Variants in NCAPD2 observed in about 807,000 individuals in gnomAD.
NCAPD2 encodes the protein condensin complex subunit 1.
NCAPD2 carries 100 observed loss-of-function variants against 164.5 expected under a neutral mutation model. The observed-to-expected ratio is 0.61, with a 90% CI of 0.52 to 0.72. The LOEUF (loss-of-function observed/expected upper bound fraction) is 0.72, where lower values mean the gene tolerates loss of function less well. NCAPD2 is among the 30% of genes least tolerant of loss of function. The pLI, the probability that NCAPD2 is intolerant of heterozygous loss-of-function variation, is 0.00. For synonymous variants in NCAPD2, 585 were observed against 642.6 expected, an observed-to-expected ratio of 0.91 and a Z score of 1.36; for missense variants, 1,560 against 1,749.2, an observed-to-expected ratio of 0.89 and a Z score of 1.93.
chr12:6,519,828 G>A (rs1029960396), intron 13 of NCAPD2, among the ~76,000 whole-genome samples: 2 of 149,656 alleles, frequency 1.3e-5, no homozygotes, highest in Non-Finnish European at 3.0e-5. Flanking sequence ...AGATTGCTCC[G>A]CTACACTCTA....
intron 27 of NCAPD2, 38 bp downstream of exon 27, chr12:6,529,077 A>G (rs377586306): frequency 5.7e-6 from 9 of 1,565,734 alleles, no homozygotes; most frequent in Non-Finnish European, 7.0e-6. Flanking sequence ...TTTTCCACAT[A>G]GCACGGGCTT....
At chr12:6,499,101 G>C (rs1006149796) in intron 2 of NCAPD2, among the ~76,000 whole-genome samples, 1 of 152,088 alleles carries the variant, frequency 6.6e-6, no homozygotes, top group African/African-American at 2.4e-5. Flanking sequence ...CAAAGGGATG[G>C]TTCACATCCC....
At chr12:6,505,688 A>T (rs73257103) in intron 2 of NCAPD2, among the ~76,000 whole-genome samples, 1,620 of 152,088 alleles carry the variant, frequency 0.011, 30 homozygotes, top group African/African-American at 0.035. Flanking sequence ...AAAATTCAAA[A>T]ATTAGCCAGG....
At chr12:6,518,809 C>T (rs34278370) in intron 13 of NCAPD2, among the ~76,000 whole-genome samples, 9,862 of 152,014 alleles carry the variant, frequency 0.065, 446 homozygotes, top group Non-Finnish European at 0.098. Flanking sequence ...GCGTGAGCCA[C>T]CGCACTCGGC....
At chr12:6,519,978 A>C (rs1258235084) in intron 13 of NCAPD2, among the ~76,000 whole-genome samples, 1 of 152,134 alleles carries the variant, frequency 6.6e-6, no homozygotes, top group Non-Finnish European at 1.5e-5. Flanking sequence ...GTTTGAGGCC[A>C]GCCTGGCCAA....
In NCAPD2 at chr12:6,516,940, A is replaced by T. The variant is rs773356519; in HGVS notation, c.1100A>T (p.Asp367Val). 6.2e-7 allele frequency: 1 copy of T among 1,614,114 alleles called. No homozygotes were observed. Among genetic ancestry groups the T allele is most frequent in the Non-Finnish European group, 8.5e-7 (1 of 1,180,026 alleles). The change falls in exon 10 of 32, where the codon GAT becomes GTT. Residue 367 changes from aspartate to valine, a missense_variant. Physicochemically the swap from Asp to Val is radical, Grantham distance 152. Coordinates refer to ENST00000315579, the MANE Select transcript of NCAPD2 (RefSeq NM_014865.4). ...AARDTRDQFLDTLQAHGHDVN... is the reference protein window; with the variant it reads ...AARDTRDQFLVTLQAHGHDVN... ...CGAGACACCAGAGACCAGTTCTTGG[A>T]TACTTTACAAGCCCATGGCCATGAT...
In NCAPD2 at chr12:6,528,433, C is replaced by T. The variant is rs1003566719; in HGVS notation, c.3299+105C>T. The T allele has an allele frequency of 3.5e-5, 51 of 1,471,470 alleles. 1 individual carries two copies. The Middle Eastern group carries it at 7.3e-4, about 21-fold the overall frequency. 91.2% of individuals were successfully genotyped at this position (1,471,470 alleles called of 1,614,324 possible). ...CTCTTCCCCTAGGCTTTGGCATCAC[C>T]GCGAACATCTGCTTGATACTTGACC... On this transcript the variant is annotated intron_variant, in intron 25 of 31. Coordinates refer to ENST00000315579, the MANE Select transcript of NCAPD2 (RefSeq NM_014865.4). This position sits in a 1 kb window ranked among gnomAD's most constrained non-coding sequence, Gnocchi z 5.1.
chr12:6,531,450 T>C lies in NCAPD2; in HGVS notation c.*38T>C. The stretch of plus-strand genomic sequence containing the variant: ...TGTCCTCCCTGTGCAGGGTATCCTG[T>C]AGGGTGACCTGGAATTCGAATTCTG... On this transcript the variant is annotated 3_prime_UTR_variant, in exon 32 of 32. Transcript: ENST00000315579. The surrounding 1 kb of genome is among the most constrained non-coding windows in gnomAD (Gnocchi z 4.1). The C allele has an allele frequency of 6.2e-7, 1 of 1,608,796 alleles. No individual in the cohort carries two copies. The highest frequency in any genetic ancestry group is 8.5e-7 in the Non-Finnish European group (1 of 1,178,254).
At chr12:6,500,417 G>A (rs1366539231) in intron 2 of NCAPD2, among the ~76,000 whole-genome samples, 2 of 152,168 alleles carry the variant, frequency 1.3e-5, no homozygotes, top group Admixed American at 6.5e-5. Flanking sequence ...AGCATTCCAA[G>A]CAAACAGAAA....
intron 1 of NCAPD2, among the ~76,000 whole-genome samples, chr12:6,494,791 A>C (rs1945960254): frequency 6.6e-6 from 1 of 152,216 alleles, no homozygotes; most frequent in African/African-American, 2.4e-5. Flanking sequence ...TTTACAGATA[A>C]AGCCCAGAGG....
At position 6,525,704 on chromosome 12, in the gene NCAPD2, G is replaced by A. The variant is rs1427232816; in HGVS notation, c.2336G>A (p.Gly779Asp). 6.2e-7 allele frequency: 1 copy of A among 1,613,528 alleles called. No individual in the cohort carries two copies. The highest frequency in any genetic ancestry group is 8.5e-7 in the Non-Finnish European group (1 of 1,179,778). The change falls in exon 18 of 32, where the codon GGC (glycine) becomes GAC (aspartate). Residue 779 changes from glycine (G) to aspartate (D), a missense_variant. Transcript: ENST00000315579. ...LERCSSVMLLGMMARGKPEIV... is the reference protein window; with the variant it reads ...LERCSSVMLLDMMARGKPEIV... ...CGCTGTTCCTCTGTCATGCTTCTTG[G>A]CATGATGGCACGGTGAGGCTCAAAT...
At chr12:6,525,946 C>T (rs558968021) in intron 18 of NCAPD2, 122 bp from the exon 19 acceptor site, 13 of 1,358,528 alleles carry the variant, frequency 9.6e-6, no homozygotes, top group African/African-American at 2.9e-5. Flanking sequence ...GGCAGAGCCA[C>T]GCTATAGTGC....
chr12:6,525,762 G>A (rs765785844), intron 18 of NCAPD2, 46 bp downstream of exon 18: 22 of 1,594,990 alleles, frequency 1.4e-5, no homozygotes, highest in Non-Finnish European at 1.6e-5. Flanking sequence ...AGCAAAGGAA[G>A]GTTCTGAGAG....
chr12:6,531,395 C>T lies in NCAPD2; in HGVS notation c.4189C>T (p.Arg1397Cys), dbSNP rs1202243479. 6.2e-6 allele frequency: 10 copies of T among 1,613,742 alleles called. No homozygotes were observed. The highest frequency in any genetic ancestry group is 2.7e-5 in the African/African-American group (2 of 74,872). Residue 1397 changes from arginine (R) to cysteine (C), a missense_variant, in exon 32 of 32, where the codon CGC (arginine) becomes TGC (cysteine). Physicochemically the swap from Arg to Cys is radical, Grantham distance 180. Transcript: ENST00000315579. The surrounding 1 kb of genome is among the most constrained non-coding windows in gnomAD (Gnocchi z 4.1). ...AACTCCCATTCTCAGAGCATCGGCT[C>T]GCAGGCACAGATCCTAGGAAGTCTG... ...KTTPILRASA[R>C]RHRS
Position 6,529,897 on chromosome 12 carries a change from T to C in NCAPD2, c.3776T>C (p.Ile1259Thr), listed in dbSNP as rs749568050. The change falls in exon 29 of 32, where the codon ATC becomes ACC. Residue 1259 changes from isoleucine to threonine, a missense_variant. Transcript: ENST00000315579. ...GGAGACAAACTGTCAGATGAGTCCA[T>C]CTTCAGTGCTTTTTTGTCAGTTGTA... ...CFGDKLSDES[I>T]FSAFLSVVGK... 8 of 1,614,242 alleles carry C rather than the reference T, an allele frequency of 5.0e-6. No homozygotes were observed. Among genetic ancestry groups the C allele is most frequent in the Non-Finnish European group, 4.2e-6 (5 of 1,180,042 alleles).
intron 2 of NCAPD2, among the ~76,000 whole-genome samples, chr12:6,495,494 T>TA (rs1565537255): frequency 1.3e-5 from 2 of 152,224 alleles, no homozygotes; most frequent in Non-Finnish European, 2.9e-5. Context: ...CTTTACCCCT[T>TA]ACTGTGTGTC....
chr12:6,513,713 G>GTTTTTTTTTTTTTTTTT (rs1303520172), intron 6 of NCAPD2, among the ~76,000 whole-genome samples: 24 of 50,112 alleles, frequency 4.8e-4, no homozygotes, highest in South Asian at 9.5e-4. Flanking sequence ...TGGTGACTTT[G>GTTTTTTTTTTTTTTTTT]TCTTTTTTTT....
Position 6,510,834 on chromosome 12 carries a change from G to A in NCAPD2, c.444+24G>A, listed in dbSNP as rs751354792. The A allele has an allele frequency of 1.5e-5, 24 of 1,611,604 alleles. No individual in the cohort carries two copies. In the Middle Eastern group the frequency reaches 5.0e-4, roughly 33 times the overall value. On this transcript the variant is annotated intron_variant, in intron 5 of 31. Coordinates refer to ENST00000315579, the MANE Select transcript of NCAPD2 (RefSeq NM_014865.4). The stretch of plus-strand genomic sequence containing the variant: ...AGGTAATTTGGAGTTTTGGGCTCAC[G>A]TTATATGGGGTCTGGGGAGATAGGG...
At chr12:6,529,632 G>A (rs1020581436) in intron 28 of NCAPD2, 39 bp downstream of exon 28, 6 of 1,610,336 alleles carry the variant, frequency 3.7e-6, no homozygotes, top group Non-Finnish European at 5.1e-6. Flanking sequence ...TGCTGAGCGG[G>A]GCCCTGCAGG....
Sources: allele counts gnomAD v4.1 joint callset (sites outside exome capture counted in the v4.1 genomes callset), GRCh38; gene constraint gnomAD v4.1.1; non-coding constraint Gnocchi (gnomAD v3.1); transcripts MANE v1.5; gene names NCBI Gene and HGNC (gene_info 2026-07-23, HGNC 2026-07-21).